The following FTO variants were observed in gnomAD, a reference collection of about 807,000 sequenced individuals.
FTO encodes the protein FTO alpha-ketoglutarate dependent dioxygenase.
In FTO, 47 loss-of-function variants were observed where a neutral mutation model predicts 63.9. The observed-to-expected ratio is 0.74, with a 90% CI of 0.58 to 0.94. The LOEUF is 0.94. Among genes scored for constraint, FTO ranks in the 40% least tolerant of loss-of-function variants. The pLI is 0.00. For synonymous variants in FTO, 207 were observed against 224.4 expected (o/e 0.92, Z 0.69); for missense variants, 562 against 618.1 (o/e 0.91, Z 0.96).
Position 54,121,468 on chromosome 16 carries a change from T to C in FTO, c.*9553T>C, listed in dbSNP as rs1035282381. ...CTGAACTAAAGAGGCCTGAATAAGG[T>C]AGTGAAAGGACCAGGGAAAGCCTTC... On this transcript the variant is annotated 3_prime_UTR_variant, in exon 9 of 9. Coordinates refer to ENST00000471389, the MANE Select transcript of FTO (RefSeq NM_001080432.3). 1.2e-4 allele frequency: 18 copies of C among 152,076 alleles called. No individual in the cohort carries two copies. The highest frequency in any genetic ancestry group is 4.3e-4 in the African/African-American group (18 of 41,480). The allele number at this position is 152,076 out of a possible 1,614,324, so 9.4% of individuals were successfully genotyped here.
At chr16:53,823,650 A>T (rs1426576503) in intron 2 of FTO, among the ~76,000 whole-genome samples, 1 of 152,064 alleles carries the variant, frequency 6.6e-6, no homozygotes, top group African/African-American at 2.4e-5. Flanking sequence ...TTGTTTATTT[A>T]GTTGTTAAAT....
chr16:53,751,216 C>T (rs1284478811), intron 1 of FTO, among the ~76,000 whole-genome samples: 1 of 152,002 alleles, frequency 6.6e-6, no homozygotes, highest in Non-Finnish European at 1.5e-5. Context: ...GAGACCAGCC[C>T]AGGCAACATA....
intron 4 of FTO, 115 bp downstream of exon 4, chr16:53,844,413 A>G (rs2079562075): frequency 3.4e-6 from 3 of 881,022 alleles, no homozygotes; most frequent in South Asian, 1.5e-5. Flanking sequence ...TTATATTAAG[A>G]GCGAAACTTC....
At chr16:53,765,012 G>T (rs2151615147) in intron 1 of FTO, among the ~76,000 whole-genome samples, 1 of 152,178 alleles carries the variant, frequency 6.6e-6, no homozygotes, top group Non-Finnish European at 1.5e-5. Context: ...GAGCCACCAT[G>T]CCCAACCTGT....
chr16:53,831,907 G>T (rs2079155261), intron 3 of FTO, among the ~76,000 whole-genome samples: 1 of 152,178 alleles, frequency 6.6e-6, no homozygotes, highest in Non-Finnish European at 1.5e-5. Flanking sequence ...GTGGCAGAAG[G>T]TAGGGCTTTG....
Position 53,873,789 on chromosome 16 carries a change from A to T in FTO, c.899A>T (p.Asp300Val). 1 of 1,612,634 alleles carries T rather than the reference A, an allele frequency of 6.2e-7. No individual in the cohort carries two copies. Among genetic ancestry groups the T allele is most frequent in the Non-Finnish European group, 8.5e-7 (1 of 1,178,878 alleles). The change falls in exon 5 of 9, where the codon GAT (aspartate) becomes GTT (valine). Residue 300 changes from aspartate (D) to valine (V), a missense_variant. Coordinates refer to ENST00000471389, the MANE Select transcript of FTO (RefSeq NM_001080432.3). ...ATTTCTGGTGTTTTTCCTGTAGATGATCTCAATGCCACCCACCAACACTGT... is the reference window on the plus strand; with the variant it reads ...ATTTCTGGTGTTTTTCCTGTAGATGTTCTCAATGCCACCCACCAACACTGT... Reference protein sequence around the residue: ...HQGDCYFMLDDLNATHQHCVL... With the variant: ...HQGDCYFMLDVLNATHQHCVL...
At chr16:53,883,610 G>A (rs1027067135) in intron 6 of FTO, among the ~76,000 whole-genome samples, 6 of 93,322 alleles carry the variant, frequency 6.4e-5, no homozygotes, top group East Asian at 4.1e-4. Flanking sequence ...CAACAAGGGC[G>A]AAACTCTATC....
intron 1 of FTO, among the ~76,000 whole-genome samples, chr16:53,793,551 T>G (rs1055046174): frequency 1.3e-5 from 2 of 152,196 alleles, no homozygotes; most frequent in Non-Finnish European, 2.9e-5. Context: ...TGAGTTATAG[T>G]GAAAGGTGCT....
chr16:54,092,424 AG>A (rs537641780), intron 8 of FTO, among the ~76,000 whole-genome samples: 2 of 152,190 alleles, frequency 1.3e-5, no homozygotes, highest in Admixed American at 6.5e-5. Context: ...CTTTAAACTG[AG>A]GGGGGTAGGA....
At chr16:53,902,350 AG>A (rs747215727) in intron 7 of FTO, among the ~76,000 whole-genome samples, 13 of 152,142 alleles carry the variant, frequency 8.5e-5, no homozygotes, top group Non-Finnish European at 1.8e-4. Context: ...AGAAGGATGT[AG>A]GCTTTTCTGG....
rs2086977183 is a variant in FTO at position 54,116,709 on chromosome 16, G to C, written c.*4794G>C. ...CTGCTGTGTTTGGGAGGCAGGTTTT[G>C]GGGGTTGTCAGAAGGCATTCACCTG... On this transcript the variant is annotated 3_prime_UTR_variant, in exon 9 of 9. Coordinates refer to ENST00000471389, the MANE Select transcript of FTO (RefSeq NM_001080432.3). The C allele has an allele frequency of 6.6e-6, 1 of 152,072 alleles. No homozygotes were observed. The highest frequency in any genetic ancestry group is 2.4e-5 in the African/African-American group (1 of 41,396). 9.4% of individuals were successfully genotyped at this position (152,072 alleles called of 1,614,324 possible). A position where few individuals can be genotyped will look rare whatever the true frequency, so the allele number is the denominator to read the frequency against.
chr16:54,101,919 A>G (rs955822846), intron 8 of FTO, among the ~76,000 whole-genome samples: 2 of 152,126 alleles, frequency 1.3e-5, no homozygotes, highest in Non-Finnish European at 2.9e-5. Context: ...AATCAGGGCT[A>G]TTGAGCTTTC....
At chr16:53,929,534 TATC>T (rs2082229930) in intron 7 of FTO, among the ~76,000 whole-genome samples, 1 of 152,256 alleles carries the variant, frequency 6.6e-6, no homozygotes, top group Admixed American at 6.5e-5. Context: ...GAACATAAGT[TATC>T]ATTTTTTTAG....
intron 1 of FTO, among the ~76,000 whole-genome samples, chr16:53,719,630 CTGT>C (rs1233754457): frequency 1.7e-5 from 2 of 118,116 alleles, no homozygotes; most frequent in African/African-American, 6.8e-5. Context: ...TGCTGGTAGT[CTGT>C]TTTTTTTTTT....
chr16:53,754,592 C>T (rs112260839), intron 1 of FTO, among the ~76,000 whole-genome samples: 70 of 152,110 alleles, frequency 4.6e-4, no homozygotes, highest in African/African-American at 1.6e-3. Flanking sequence ...GAGCTGAGAT[C>T]GCACCACTGC....
intron 8 of FTO, among the ~76,000 whole-genome samples, chr16:54,027,674 G>A (rs1454863783): frequency 6.6e-6 from 1 of 152,146 alleles, no homozygotes; most frequent in Non-Finnish European, 1.5e-5. Context: ...TGGATGGTAA[G>A]TTGCAAAAAG....
chr16:53,831,610 C>T (rs565949043), intron 3 of FTO, among the ~76,000 whole-genome samples: 1 of 152,250 alleles, frequency 6.6e-6, no homozygotes, highest in South Asian at 2.1e-4. Context: ...AATCCCTGCC[C>T]TCATCAAGCT....
At chr16:54,105,803 GTGTGTGTGTGTA>G (rs1355515833) in intron 8 of FTO, among the ~76,000 whole-genome samples, 58 of 144,868 alleles carry the variant, frequency 4.0e-4, no homozygotes, top group South Asian at 6.6e-4. Flanking sequence ...GTGTGTGTGT[GTGTGTGTGTGTA>G]TGTTACATTT....
chr16:54,030,669 G>A (rs1330427869), intron 8 of FTO, among the ~76,000 whole-genome samples: 1 of 152,132 alleles, frequency 6.6e-6, no homozygotes, highest in Non-Finnish European at 1.5e-5. Context: ...TCAAGGCTAT[G>A]TTTAGTGCAT....
Sources: allele counts gnomAD v4.1 joint callset (sites outside exome capture counted in the v4.1 genomes callset), GRCh38; gene constraint gnomAD v4.1.1; transcripts MANE v1.5; gene names NCBI Gene and HGNC (gene_info 2026-07-23, HGNC 2026-07-21).